The following CFI variants were observed in gnomAD, a reference collection of about 807,000 sequenced individuals.
CFI encodes the protein C3B/C4B inactivator.
A neutral mutation model predicts 78.8 loss-of-function variants in CFI; 66 were observed. The ratio of observed to expected loss-of-function variants is 0.84; its 90% CI spans 0.69 to 1.03. CFI has a LOEUF of 1.03. Ranked by LOEUF, CFI falls within the 50% of genes least tolerant of loss-of-function variation. CFI has a pLI of 0.00. For synonymous variants in CFI, 250 were observed against 232.6 expected, an observed-to-expected ratio of 1.07 and a Z score of -0.68; for missense variants, 706 against 704.5, an observed-to-expected ratio of 1.00 and a Z score of -0.02.
chr4:109,740,789 T>C lies in CFI; in HGVS notation c.*104A>G, dbSNP rs771552191. ...ACCTTTAAAAATATCCAGTGAGATT[T>C]GCTTCATTTTTCCCCCCTAGAGAAT... On this transcript the variant is annotated 3_prime_UTR_variant, in exon 13 of 13. Coordinates refer to ENST00000394634, the MANE Select transcript of CFI (RefSeq NM_000204.5). The C allele has an allele frequency of 9.5e-7, 1 of 1,054,196 alleles. No homozygotes were observed. Among genetic ancestry groups the C allele is most frequent in the Non-Finnish European group, 1.5e-6 (1 of 689,164 alleles). 65.3% of individuals were successfully genotyped at this position (1,054,196 alleles called of 1,614,324 possible).
At position 109,760,506 on chromosome 4, in the gene CFI, G is replaced by T. The variant is rs773811629; in HGVS notation, c.772+17C>A. The T allele has an allele frequency of 4.7e-6, 7 of 1,504,080 alleles. No individual in the cohort carries two copies. The South Asian group carries it at 5.6e-5, about 12-fold the overall frequency. The allele number at this position is 1,504,080 out of a possible 1,614,324, so 93.2% of individuals were successfully genotyped here. On this transcript the variant is annotated intron_variant, in intron 5 of 12. Coordinates refer to ENST00000394634, the MANE Select transcript of CFI (RefSeq NM_000204.5). ...AAAAATGAATTTAGAGGATTTAGAG[G>T]CTAGATTTATGTCTACCTTTACAAC...
At chr4:109,757,913 T>C in intron 6 of CFI, 130 bp from the exon 7 acceptor site, 1 of 1,415,768 alleles carries the variant, frequency 7.1e-7, no homozygotes, top group Non-Finnish European at 9.5e-7. Context: ...TAATATAATT[T>C]TTCTATTATA....
chr4:109,751,242 A>C (rs549395577), intron 8 of CFI, among the ~76,000 whole-genome samples: 74 of 152,218 alleles, frequency 4.9e-4, no homozygotes, highest in African/African-American at 1.8e-3. Context: ...GGTCTCACCC[A>C]TCCTAAGAAC....
chr4:109,761,721 G>T (rs1478027858), intron 3 of CFI, 29 bp from the exon 4 acceptor site: 13 of 1,561,556 alleles, frequency 8.3e-6, no homozygotes, highest in Non-Finnish European at 8.8e-6. Context: ...AAACATTATG[G>T]TAGAATAATT....
intron 6 of CFI, among the ~76,000 whole-genome samples, chr4:109,759,521 G>C (rs1429880983): frequency 6.6e-6 from 1 of 152,160 alleles, no homozygotes; most frequent in Non-Finnish European, 1.5e-5. Flanking sequence ...ATACAAATGA[G>C]AGAATGAATG....
intron 2 of CFI, 134 bp downstream of exon 2, chr4:109,766,420 T>A: frequency 1.1e-6 from 1 of 949,528 alleles, no homozygotes; most frequent in Non-Finnish European, 1.6e-6. Context: ...TTACTCCAAT[T>A]ATTATTGAGA....
chr4:109,748,374 G>C (rs1011507503), intron 10 of CFI, among the ~76,000 whole-genome samples: 1 of 152,138 alleles, frequency 6.6e-6, no homozygotes. Flanking sequence ...TGGAGTTCAC[G>C]ATCTAGGGAA....
intron 3 of CFI, among the ~76,000 whole-genome samples, chr4:109,764,089 C>T (rs1392714371): frequency 1.3e-5 from 2 of 149,442 alleles, no homozygotes; most frequent in African/African-American, 4.9e-5. Flanking sequence ...TACTATAAAA[C>T]TATAAACTAT....
downstream of CFI, among the ~76,000 whole-genome samples, chr4:109,738,710 C>T (rs944999358): frequency 2.6e-5 from 4 of 152,226 alleles, no homozygotes; most frequent in East Asian, 7.7e-4. Context: ...ATGTTAAGAG[C>T]CCATGGGGAG....
intron 1 of CFI, among the ~76,000 whole-genome samples, chr4:109,782,345 T>C (rs901495832): frequency 6.6e-6 from 1 of 150,966 alleles, no homozygotes; most frequent in South Asian, 2.1e-4. Flanking sequence ...ACAAGATTAA[T>C]GTACACAAAT....
downstream of CFI, among the ~76,000 whole-genome samples, chr4:109,738,655 G>C (rs541727670): frequency 3.3e-5 from 5 of 152,256 alleles, no homozygotes; most frequent in East Asian, 5.8e-4. Flanking sequence ...CTCTTGGGAG[G>C]CTCATCGGCT....
chr4:109,734,368 T>G, the CFI span, among the ~76,000 whole-genome samples: 1 of 152,152 alleles, frequency 6.6e-6, no homozygotes, highest in South Asian at 2.1e-4. Flanking sequence ...GAACCACCCA[T>G]TCTGCTGATA....
At chr4:109,743,773 G>A (rs1359268098) in intron 11 of CFI, among the ~76,000 whole-genome samples, 8 of 152,160 alleles carry the variant, frequency 5.3e-5, no homozygotes, top group Non-Finnish European at 2.9e-5. Flanking sequence ...CAGGGTGGGA[G>A]GATCACTTGA....
chr4:109,772,750 T>C (rs1255296352), intron 1 of CFI, among the ~76,000 whole-genome samples: 1 of 152,012 alleles, frequency 6.6e-6, no homozygotes, highest in African/African-American at 2.4e-5. Flanking sequence ...TAATTTTTAT[T>C]TTAAAAATAT....
rs149565381 is a variant in CFI, at chr4:109,771,714, C to CAAAAAAAAAAAAAAAA, written c.58-4906_58-4891dup. Among the ~76,000 whole-genome samples the CAAAAAAAAAAAAAAAA allele has an allele frequency of 1.7e-4, 3 of 18,126 alleles. 1 individual carries two copies. The highest frequency in any genetic ancestry group is 5.2e-4 in the African/African-American group (3 of 5,790). 11.9% of individuals were successfully genotyped at this position (18,126 alleles called of 152,430 possible). A position where few individuals can be genotyped will look rare whatever the true frequency, so the allele number is the denominator to read the frequency against. On this transcript the variant is annotated intron_variant, in intron 1 of 12. Transcript: ENST00000394634. ...GGGCAACACAGCAAGACTCCATCAC[C>CAAAAAAAAAAAAAAAA]AAAAAAAAAAAAAAAAAAAAAAAAA... is the stretch of plus-strand genomic sequence containing the variant.
intron 1 of CFI, among the ~76,000 whole-genome samples, chr4:109,796,615 AAC>A (rs1294461149): frequency 6.6e-6 from 1 of 152,220 alleles, no homozygotes; most frequent in Non-Finnish European, 1.5e-5. Context: ...TAGTCTGGGC[AAC>A]ATAGCAAGGT....
At chr4:109,737,487 T>C (rs1490217492), downstream of CFI, among the ~76,000 whole-genome samples, 1 of 152,226 alleles carries the variant, frequency 6.6e-6, no homozygotes, top group East Asian at 1.9e-4. Flanking sequence ...CCGCATAATT[T>C]ATTTTCCCAT....
intron 8 of CFI, among the ~76,000 whole-genome samples, chr4:109,750,770 A>T (rs62324893): frequency 0.04 from 6,110 of 152,292 alleles, 179 homozygotes; most frequent in South Asian, 0.1. Context: ...GGGCATACCG[A>T]AAGGAGTTAG....
At chr4:109,730,994 A>C in the CFI span, among the ~76,000 whole-genome samples, 1 of 152,308 alleles carries the variant, frequency 6.6e-6, no homozygotes, top group Admixed American at 6.5e-5. Context: ...AGTTGTAAAT[A>C]TCTGGTTATC....
Sources: gnomAD v4.1 joint callset for allele counts (sites outside exome capture counted in the v4.1 genomes callset) on GRCh38, gnomAD v4.1.1 for gene constraint, MANE v1.5 for transcripts, NCBI Gene and HGNC (gene_info 2026-07-23, HGNC 2026-07-21) for gene names.